Variants in ATP2B2 observed in about 807,000 individuals in gnomAD.
ATP2B2 encodes the protein ATPase plasma membrane Ca2+ transporting 2.
ATP2B2 carries 15 observed loss-of-function variants against 120.0 expected under a neutral mutation model. The observed-to-expected ratio is 0.12, with a 90% CI of 0.08 to 0.19. The LOEUF (loss-of-function observed/expected upper bound fraction) is 0.19. Among genes scored for constraint, ATP2B2 ranks in the 10% least tolerant of loss-of-function variants. The pLI is 1.00. For synonymous variants in ATP2B2, 694 were observed against 700.3 expected (o/e 0.99, Z 0.14); for missense variants, 1,045 against 1,719.8 (o/e 0.61, Z 6.94).
At chr3:10,510,808 G>A (rs568085417) in intron 3 of ATP2B2, among the ~76,000 whole-genome samples, 163 of 152,306 alleles carry the variant, frequency 1.1e-3, no homozygotes, top group African/African-American at 3.8e-3. Context: ...TCTCATCTGC[G>A]CTGCCCCTCA....
chr3:10,584,327 C>T lies in ATP2B2; in HGVS notation c.-415+35590G>A, dbSNP rs530172062. 2.6e-5 allele frequency among the ~76,000 whole-genome samples: 4 copies of T among 152,306 alleles called. No individual in the cohort carries two copies. In the South Asian group the frequency reaches 8.3e-4, roughly 32 times the overall value. ...GGCAGCGGGAACACCTGGAGTCCAG[C>T]TAATCCCCTGGGACATGAAGTTTGA... On this transcript the variant is annotated intron_variant, in intron 2 of 21. Coordinates refer to the ATP2B2 transcript ENST00000646379.
intron 1 of ATP2B2, among the ~76,000 whole-genome samples, chr3:10,665,927 A>T (rs918194615): frequency 6.6e-6 from 1 of 152,176 alleles, no homozygotes; most frequent in Non-Finnish European, 1.5e-5. Context: ...CTAGAGAGGG[A>T]TTCTTTAGGG....
chr3:10,569,125 G>A (rs1369073142), intron 2 of ATP2B2, among the ~76,000 whole-genome samples: 2 of 152,180 alleles, frequency 1.3e-5, no homozygotes, highest in Admixed American at 6.5e-5. Context: ...ACACTCCAGG[G>A]AGTATCAGAG....
At chr3:10,344,955 G>GCCAGGGCC (rs2060388046) in intron 18 of ATP2B2, among the ~76,000 whole-genome samples, 1 of 152,180 alleles carries the variant, frequency 6.6e-6, no homozygotes, top group Non-Finnish European at 1.5e-5. Context: ...CCAGTCCAGA[G>GCCAGGGCC]CCAGGGCCCC....
At chr3:10,391,321 G>A (rs2061842557) in intron 5 of ATP2B2, among the ~76,000 whole-genome samples, 1 of 152,172 alleles carries the variant, frequency 6.6e-6, no homozygotes, top group South Asian at 2.1e-4. Context: ...TTAGCCTCCA[G>A]GGGCAAGGCC....
chr3:10,335,086 T>A (rs946721453), intron 22 of ATP2B2, among the ~76,000 whole-genome samples: 1 of 151,566 alleles, frequency 6.6e-6, no homozygotes, highest in East Asian at 1.9e-4. Flanking sequence ...CAGCAATGAG[T>A]GATCTAGATC....
chr3:10,464,092 G>A (rs976847572), intron 1 of ATP2B2, among the ~76,000 whole-genome samples: 2 of 152,216 alleles, frequency 1.3e-5, no homozygotes, highest in Admixed American at 1.3e-4. Context: ...GTGACCATGG[G>A]GGGGCCTGAC....
At chr3:10,508,718 GC>G (rs929701435), upstream of ATP2B2, among the ~76,000 whole-genome samples, 3 of 152,208 alleles carry the variant, frequency 2.0e-5, no homozygotes, top group African/African-American at 7.2e-5. Context: ...GTGTTGGGGG[GC>G]AGGGGGTATT....
chr3:10,353,433 C>T (rs1402446789), intron 14 of ATP2B2, among the ~76,000 whole-genome samples: 6 of 152,156 alleles, frequency 3.9e-5, no homozygotes, highest in Admixed American at 6.5e-5. Flanking sequence ...TAGTCCTGGC[C>T]GCAGGGAACT....
chr3:10,634,283 G>C (rs2069957541), intron 1 of ATP2B2, among the ~76,000 whole-genome samples: 1 of 152,238 alleles, frequency 6.6e-6, no homozygotes, highest in South Asian at 2.1e-4. Flanking sequence ...TACGTGACTT[G>C]TTTACGGCAA....
chr3:10,602,711 C>A lies in ATP2B2; in HGVS notation c.-415+17206G>T, dbSNP rs2068956769. Among the ~76,000 whole-genome samples the A allele has an allele frequency of 2.6e-5, 4 of 152,154 alleles. No individual in the cohort carries two copies. The South Asian group carries it at 8.3e-4, about 32-fold the overall frequency. ...AAATGGTGAACTGATGAAAACAAGA[C>A]TAAATGGGTAATCGCGTGGGTTGTT... On this transcript the variant is annotated intron_variant, in intron 2 of 21. Transcript: ENST00000646379.
At chr3:10,632,781 A>G (rs955650235) in intron 1 of ATP2B2, among the ~76,000 whole-genome samples, 3 of 152,342 alleles carry the variant, frequency 2.0e-5, no homozygotes, top group East Asian at 3.9e-4. Context: ...GCCACTGAGC[A>G]AGTCCTGGCT....
At chr3:10,536,047 T>C (rs1369112695) in intron 2 of ATP2B2, among the ~76,000 whole-genome samples, 1 of 152,238 alleles carries the variant, frequency 6.6e-6, no homozygotes, top group Non-Finnish European at 1.5e-5. Context: ...GTGTTGTCAC[T>C]ATTTTCTATT....
intron 12 of ATP2B2, among the ~76,000 whole-genome samples, chr3:10,367,476 A>G (rs1319254667): frequency 6.6e-6 from 1 of 152,142 alleles, no homozygotes; most frequent in African/African-American, 2.4e-5. Flanking sequence ...AGCAAACTAC[A>G]GAGGGGAAAG....
intron 2 of ATP2B2, among the ~76,000 whole-genome samples, chr3:10,557,995 A>G (rs2067818525): frequency 6.6e-6 from 1 of 152,224 alleles, no homozygotes. Context: ...ATACAGGGAC[A>G]TAATGTAGAA....
At chr3:10,532,973 G>C (rs1300739696) in intron 3 of ATP2B2, among the ~76,000 whole-genome samples, 1 of 152,228 alleles carries the variant, frequency 6.6e-6, no homozygotes, top group Non-Finnish European at 1.5e-5. Flanking sequence ...TACTGGGAAG[G>C]TCAGATGAGA....
intron 1 of ATP2B2, among the ~76,000 whole-genome samples, chr3:10,628,988 T>C (rs1344677412): frequency 6.6e-6 from 1 of 152,220 alleles, no homozygotes; most frequent in African/African-American, 2.4e-5. Context: ...CTCATTAACG[T>C]TGGGCTCCCG....
At chr3:10,386,393 G>T in intron 7 of ATP2B2, 87 bp downstream of exon 7, 2 of 1,443,642 alleles carry the variant, frequency 1.4e-6, no homozygotes, top group Non-Finnish European at 1.9e-6. Flanking sequence ...CTCCAGCTGT[G>T]TGCTGGTGGT....
intron 2 of ATP2B2, among the ~76,000 whole-genome samples, chr3:10,443,611 G>A (rs1250800706): frequency 6.6e-6 from 1 of 152,208 alleles, no homozygotes; most frequent in Non-Finnish European, 1.5e-5. Context: ...GAGGACAGCG[G>A]AAGTGAAAGT....
Sources: allele counts gnomAD v4.1 joint callset (sites outside exome capture counted in the v4.1 genomes callset), GRCh38; gene constraint gnomAD v4.1.1; transcripts MANE v1.5; gene names NCBI Gene and HGNC (gene_info 2026-07-23, HGNC 2026-07-21).